The following ACTN2 variants were observed in gnomAD, a reference collection of about 807,000 sequenced individuals.
ACTN2 encodes actinin alpha 2.
A neutral mutation model predicts 113.8 loss-of-function variants in ACTN2; 39 were observed. That is an observed-to-expected ratio of 0.34 (90% CI 0.27 to 0.45). The LOEUF (loss-of-function observed/expected upper bound fraction) is 0.45. Ranked by LOEUF, ACTN2 falls within the 20% of genes least tolerant of loss-of-function variation. ACTN2 has a pLI of 1.00. For missense variants in ACTN2, 992 were observed against 1,177.9 expected (o/e 0.84, Z 2.31); for synonymous variants, 429 against 444.1 (o/e 0.97, Z 0.43).
In ACTN2 at chr1:236,762,807, A is replaced by T; in HGVS notation, c.*188A>T. 3.0e-6 allele frequency: 2 copies of T among 673,184 alleles called. No homozygotes were observed. The highest frequency in any genetic ancestry group is 1.8e-5 in the African/African-American group (1 of 55,392). 41.7% of individuals were successfully genotyped at this position (673,184 alleles called of 1,614,324 possible). Reference sequence around the variant, plus strand: ...AAATGAAGTTTTTACAGTATATGACATAGTGCGCTTCATAAATAGGTTTAT... The same window carrying T: ...AAATGAAGTTTTTACAGTATATGACTTAGTGCGCTTCATAAATAGGTTTAT... On this transcript the variant is annotated 3_prime_UTR_variant, in exon 21 of 21. Transcript: ENST00000366578.
rs1658700417 is a variant in ACTN2, at chr1:236,731,114, T to C, written c.616-119T>C. ...AAAGATGAAAAGGAAAGTTACACTA[T>C]TATGATTGTGTGTGGGTGGGAAGGT... On this transcript the variant is annotated intron_variant, in intron 6 of 20. Transcript: ENST00000366578. The C allele has an allele frequency of 9.5e-6, 7 of 736,064 alleles. No individual in the cohort carries two copies. The East Asian group carries it at 1.6e-4, about 17-fold the overall frequency. The allele number at this position is 736,064 out of a possible 1,614,324, so 45.6% of individuals were successfully genotyped here. A position where few individuals can be genotyped will look rare whatever the true frequency, so the allele number is the denominator to read the frequency against.
At chr1:236,727,947 C>T (rs1658602250) in intron 6 of ACTN2, among the ~76,000 whole-genome samples, 191 bp downstream of exon 6, 1 of 152,108 alleles carries the variant, frequency 6.6e-6, no homozygotes, top group East Asian at 1.9e-4. Flanking sequence ...AAAACACTTA[C>T]CTCTTAAAAT....
chr1:236,757,717 C>A, intron 18 of ACTN2, 85 bp downstream of exon 18: 2 of 1,541,610 alleles, frequency 1.3e-6, no homozygotes, highest in South Asian at 1.1e-5. Flanking sequence ...CGTTTTAAGT[C>A]TTAAGGCTCC....
intron 1 of ACTN2, among the ~76,000 whole-genome samples, chr1:236,696,542 G>T (rs1213821667): frequency 6.6e-6 from 1 of 151,990 alleles, no homozygotes; most frequent in East Asian, 1.9e-4. Context: ...CTGTTTATGA[G>T]GATTTTAAGA....
intron 8 of ACTN2, chr1:236,736,477 C>A: frequency 1.2e-6 from 1 of 852,324 alleles, no homozygotes; most frequent in Non-Finnish European, 1.8e-6. Flanking sequence ...TGGTTCAAGG[C>A]GCTTTGCCAC....
At chr1:236,713,076 T>C (rs1324206427) in intron 1 of ACTN2, among the ~76,000 whole-genome samples, 1 of 152,004 alleles carries the variant, frequency 6.6e-6, no homozygotes, top group Non-Finnish European at 1.5e-5. Context: ...AATAACTTAA[T>C]TATCCGGAAA....
intron 6 of ACTN2, 147 bp downstream of exon 6, chr1:236,727,903 C>T (rs1448135014): frequency 3.9e-6 from 3 of 759,736 alleles, no homozygotes; most frequent in Non-Finnish European, 4.6e-6. Context: ...CCCAGCTAGC[C>T]TTTCCCATGA....
At chr1:236,751,950 C>A (rs183100983) in intron 15 of ACTN2, among the ~76,000 whole-genome samples, 36 of 152,248 alleles carry the variant, frequency 2.4e-4, no homozygotes, top group African/African-American at 8.4e-4. Context: ...GTTTTTAAAG[C>A]CCCAACTGGA....
chr1:236,734,441 T>G (rs1390534490), intron 7 of ACTN2: 1 of 1,535,080 alleles, frequency 6.5e-7, no homozygotes, highest in South Asian at 1.2e-5. Context: ...AGATTTAGTA[T>G]ACACTGCCAG....
chr1:236,695,892 A>G (rs979529846), intron 1 of ACTN2, among the ~76,000 whole-genome samples: 2 of 152,136 alleles, frequency 1.3e-5, no homozygotes, highest in Non-Finnish European at 2.9e-5. Context: ...ATTATTATAC[A>G]CTGAAAACAG....
rs904207439 is a variant in ACTN2, at chr1:236,754,761, G to A, written c.1975-258G>A. On this transcript the variant is annotated intron_variant, in intron 16 of 20. Coordinates refer to ENST00000366578, the MANE Select transcript of ACTN2 (RefSeq NM_001103.4). The surrounding 1 kb of genome is among the most constrained non-coding windows in gnomAD (Gnocchi z 4.9). ...GCAAGAAGCTGAAGGACTTATCTCTGACCCCTCTTGCCTCTCTGTTTTGGA... is the reference window on the plus strand; with the variant it reads ...GCAAGAAGCTGAAGGACTTATCTCTAACCCCTCTTGCCTCTCTGTTTTGGA... Among the ~76,000 whole-genome samples, 7 of 152,172 alleles carry A rather than the reference G, an allele frequency of 4.6e-5. No individual in the cohort carries two copies. The highest frequency in any genetic ancestry group is 1.4e-4 in the African/African-American group (6 of 41,440).
intron 1 of ACTN2, among the ~76,000 whole-genome samples, chr1:236,711,497 C>T (rs959499539): frequency 1.2e-4 from 19 of 152,212 alleles, no homozygotes; most frequent in Non-Finnish European, 1.8e-4. Context: ...TACAGGCATG[C>T]GCCACCACGC....
At chr1:236,707,599 T>A (rs1657864868) in intron 1 of ACTN2, among the ~76,000 whole-genome samples, 1 of 152,146 alleles carries the variant, frequency 6.6e-6, no homozygotes, top group Non-Finnish European at 1.5e-5. Flanking sequence ...TAGAAATGTT[T>A]CCTAGTCGCT....
chr1:236,697,009 G>A (rs191967984), intron 1 of ACTN2, among the ~76,000 whole-genome samples: 4 of 152,272 alleles, frequency 2.6e-5, no homozygotes, highest in African/African-American at 7.2e-5. Context: ...CCACAAAATA[G>A]CCAGGCTGTA....
At chr1:236,721,569 A>G (rs942584317) in intron 4 of ACTN2, among the ~76,000 whole-genome samples, 3 of 152,226 alleles carry the variant, frequency 2.0e-5, no homozygotes, top group African/African-American at 7.2e-5. Flanking sequence ...TGACTTTGAA[A>G]ACTTTTGTAC....
intron 7 of ACTN2, among the ~76,000 whole-genome samples, 183 bp from the exon 8 acceptor site, chr1:236,735,452 A>C (rs1004019437): frequency 6.6e-6 from 1 of 152,158 alleles, no homozygotes; most frequent in African/African-American, 2.4e-5. Context: ...CATCCTGTTC[A>C]CGAATCATTT....
chr1:236,698,154 C>A (rs1476040691), intron 1 of ACTN2, among the ~76,000 whole-genome samples: 2 of 151,256 alleles, frequency 1.3e-5, no homozygotes, highest in African/African-American at 4.9e-5. Flanking sequence ...ACATAAAATT[C>A]TTCTGCACTC....
chr1:236,722,634 C>CA (rs35608028), intron 4 of ACTN2, among the ~76,000 whole-genome samples: 6,865 of 112,082 alleles, frequency 0.061, 410 homozygotes, highest in Middle Eastern at 0.14. Context: ...GACTCCGTCT[C>CA]AAAAAAAAAA....
In ACTN2 at chr1:236,735,585, G is replaced by A. The variant is rs747011154; in HGVS notation, c.698-50G>A. The A allele has an allele frequency of 9.7e-6, 14 of 1,440,490 alleles. No homozygotes were observed. In the African/African-American group the frequency reaches 2.0e-4, roughly 20 times the overall value. 89.2% of individuals were successfully genotyped at this position (1,440,490 alleles called of 1,614,324 possible). Reference sequence around the variant, plus strand: ...TGGTTTCTCTCCTTCGTCTGTATGTGTGTGGTGTGTGTGTGTGCGCGCGTC... The same window carrying A: ...TGGTTTCTCTCCTTCGTCTGTATGTATGTGGTGTGTGTGTGTGCGCGCGTC... On this transcript the variant is annotated intron_variant, in intron 7 of 20. Coordinates refer to ENST00000366578, the MANE Select transcript of ACTN2 (RefSeq NM_001103.4).
Sources: allele counts gnomAD v4.1 joint callset (sites outside exome capture counted in the v4.1 genomes callset), GRCh38; gene constraint gnomAD v4.1.1; non-coding constraint Gnocchi (gnomAD v3.1); transcripts MANE v1.5; gene names NCBI Gene and HGNC (gene_info 2026-07-23, HGNC 2026-07-21).